The following ARSG variants were observed in gnomAD, a reference collection of about 807,000 sequenced individuals.
The protein encoded by ARSG is arylsulfatase G, also known as ASG.
Under a neutral mutation model 50.5 loss-of-function variants are expected in ARSG, and 37 were observed. The ratio of observed to expected loss-of-function variants is 0.73; its 90% CI spans 0.56 to 0.96. ARSG has a LOEUF of 0.96. Among genes scored for constraint, ARSG ranks in the 50% least tolerant of loss-of-function variants. ARSG has a pLI of 0.00. For synonymous variants in ARSG, 225 were observed against 254.6 expected (o/e 0.88, Z 1.11); for missense variants, 629 against 675.3 (o/e 0.93, Z 0.76).
intron 8 of ARSG, among the ~76,000 whole-genome samples, chr17:68,374,543 G>A (rs1322061518): frequency 6.6e-6 from 1 of 152,112 alleles, no homozygotes; most frequent in Non-Finnish European, 1.5e-5. Flanking sequence ...TTCTTCGAGG[G>A]AATGATGAGA....
chr17:68,354,592 A>G (rs2078952088), intron 5 of ARSG, among the ~76,000 whole-genome samples: 1 of 151,702 alleles, frequency 6.6e-6, no homozygotes, highest in African/African-American at 2.4e-5. Context: ...CATGGTGATA[A>G]TTCTTTTTCT....
chr17:68,355,048 C>T (rs1359426957), intron 5 of ARSG, among the ~76,000 whole-genome samples: 4 of 152,178 alleles, frequency 2.6e-5, no homozygotes, highest in Non-Finnish European at 5.9e-5. Context: ...CCATTCATTA[C>T]CACCTCTGTC....
chr17:68,353,498 A>G (rs953663408), intron 5 of ARSG, among the ~76,000 whole-genome samples: 10 of 152,124 alleles, frequency 6.6e-5, no homozygotes, highest in African/African-American at 2.4e-4. Context: ...TGGGTGACAG[A>G]GTAAGATCCC....
chr17:68,442,328 G>A, the ARSG span, among the ~76,000 whole-genome samples: 207 of 152,166 alleles, frequency 1.4e-3, 2 homozygotes, highest in Middle Eastern at 6.8e-3. Context: ...AGCTGGGTGT[G>A]GTGGTAGGCA....
At chr17:68,283,550 G>A (rs1407603225) in intron 1 of ARSG, among the ~76,000 whole-genome samples, 5 of 151,226 alleles carry the variant, frequency 3.3e-5, no homozygotes, top group African/African-American at 9.7e-5. Flanking sequence ...TGGGCACGGC[G>A]GCTCACGCCT....
chr17:68,367,952 T>A lies in ARSG; in HGVS notation c.705-596T>A, dbSNP rs2079624673. ...GGGCATGGGGGTGGGCACCTGTAAT[T>A]CCAGCTACTCAGGAGGCTGAGGCGG... On this transcript the variant is annotated intron_variant, in intron 6 of 11. Coordinates refer to ENST00000621439, the MANE Select transcript of ARSG (RefSeq NM_001267727.2). This position sits in a 1 kb window ranked among gnomAD's most constrained non-coding sequence, Gnocchi z 4.5. 6.6e-6 allele frequency among the ~76,000 whole-genome samples: 1 copy of A among 151,976 alleles called. No individual in the cohort carries two copies. Among genetic ancestry groups the A allele is most frequent in the Non-Finnish European group, 1.5e-5 (1 of 67,982 alleles).
rs912504016 is a variant in ARSG at position 68,378,870 on chromosome 17, C to T, written c.983-6194C>T. On this transcript the variant is annotated intron_variant, in intron 8 of 11. Coordinates refer to ENST00000621439, the MANE Select transcript of ARSG (RefSeq NM_001267727.2). The surrounding 1 kb of genome is among the most constrained non-coding windows in gnomAD (Gnocchi z 4.4). ...GTAATTTGATGCTATCAGGTTGTTG[C>T]ATAACCTTTCCCGCTGGGAAGCAGT... Among the ~76,000 whole-genome samples, 1 of 149,704 alleles carries T rather than the reference C, an allele frequency of 6.7e-6. No homozygotes were observed. Among genetic ancestry groups the T allele is most frequent in the African/African-American group, 2.5e-5 (1 of 40,482 alleles).
intron 3 of ARSG, among the ~76,000 whole-genome samples, chr17:68,344,036 A>G (rs1257695093): frequency 6.6e-6 from 1 of 152,178 alleles, no homozygotes; most frequent in Non-Finnish European, 1.5e-5. Flanking sequence ...CTGCTCAAAG[A>G]TGCTGCCGGG....
intron 5 of ARSG, among the ~76,000 whole-genome samples, chr17:68,355,499 C>T (rs1479802803): frequency 1.3e-5 from 2 of 152,184 alleles, no homozygotes; most frequent in Non-Finnish European, 2.9e-5. Flanking sequence ...GCTGAGACTA[C>T]AGGCGTGCAG....
chr17:68,269,266 G>A, intron 1 of ARSG: 1 of 1,452,918 alleles, frequency 6.9e-7, no homozygotes, highest in Non-Finnish European at 9.4e-7. Context: ...ACCAGGGCGA[G>A]GCACACAGCA....
chr17:68,337,967 C>A (rs142018249), intron 2 of ARSG, among the ~76,000 whole-genome samples: 1 of 152,290 alleles, frequency 6.6e-6, no homozygotes, highest in Non-Finnish European at 1.5e-5. Context: ...CCCAGCACCG[C>A]TCGCTCCAGG....
intron 2 of ARSG, among the ~76,000 whole-genome samples, chr17:68,317,897 A>T (rs781900000): frequency 4.6e-5 from 7 of 152,174 alleles, no homozygotes; most frequent in Non-Finnish European, 1.0e-4. Flanking sequence ...TCAGGAGTTC[A>T]AGACCAGCCT....
rs1215767062 is a variant in ARSG at position 68,347,190 on chromosome 17, G to A, written c.454+18G>A. On this transcript the variant is annotated intron_variant, in intron 4 of 11. Coordinates refer to ENST00000621439, the MANE Select transcript of ARSG (RefSeq NM_001267727.2). ...CTTCCGTGGTAAGAATTCTTTTGGGGATTTGTTACCTGGGAAACAGAAAAT... is the reference window on the plus strand; with the variant it reads ...CTTCCGTGGTAAGAATTCTTTTGGGAATTTGTTACCTGGGAAACAGAAAAT... The A allele has an allele frequency of 1.2e-6, 2 of 1,612,150 alleles. No homozygotes were observed. Among genetic ancestry groups the A allele is most frequent in the Non-Finnish European group, 1.7e-6 (2 of 1,178,352 alleles).
At chr17:68,352,092 A>AGAGAGAGAGAGAGAGACAGAG (rs1568506443) in intron 5 of ARSG, among the ~76,000 whole-genome samples, 25 of 104,608 alleles carry the variant, frequency 2.4e-4, no homozygotes, top group East Asian at 1.3e-3. Context: ...GACAGAGGAG[A>AGAGAGAGAGAGAGAGACAGAG]GAGAGAGAGA....
intron 1 of ARSG, among the ~76,000 whole-genome samples, chr17:68,281,770 G>T (rs577929657): frequency 6.6e-6 from 1 of 152,214 alleles, no homozygotes; most frequent in South Asian, 2.1e-4. Context: ...AATAACAAAT[G>T]CTGGCAAGGA....
chr17:68,332,283 C>T (rs1172133500), intron 2 of ARSG, among the ~76,000 whole-genome samples: 2 of 152,214 alleles, frequency 1.3e-5, no homozygotes. Flanking sequence ...AAATATAGCT[C>T]TGTTCCGCCC....
intron 1 of ARSG, chr17:68,274,371 TG>T (rs2075442936): frequency 4.5e-6 from 1 of 224,142 alleles, no homozygotes; most frequent in Admixed American, 5.0e-5. Context: ...CAGGCAGAGA[TG>T]GGAGGATTGT....
chr17:68,435,877 T>C, the ARSG span, among the ~76,000 whole-genome samples: 1 of 152,244 alleles, frequency 6.6e-6, no homozygotes, highest in Non-Finnish European at 1.5e-5. Flanking sequence ...CATTTTCTGG[T>C]GAATCAAGAT....
intron 10 of ARSG, among the ~76,000 whole-genome samples, chr17:68,396,397 G>A (rs7208111): frequency 6.6e-6 from 1 of 152,042 alleles, no homozygotes; most frequent in Non-Finnish European, 1.5e-5. Context: ...AATGTCCCCT[G>A]TTTGCACTCT....
Sources: gnomAD v4.1 joint callset for allele counts (sites outside exome capture counted in the v4.1 genomes callset) on GRCh38, gnomAD v4.1.1 for gene constraint, Gnocchi (gnomAD v3.1) non-coding constraint, MANE v1.5 for transcripts, NCBI Gene and HGNC (gene_info 2026-07-23, HGNC 2026-07-21) for gene names.